PDZD8: variants seen among roughly 807,000 people sequenced by gnomAD.
The protein encoded by PDZD8 is PDZ domain containing 8.
A neutral mutation model predicts 85.8 loss-of-function variants in PDZD8; 14 were observed. That is an observed-to-expected ratio of 0.16 (90% CI 0.11 to 0.26). The LOEUF is 0.26. Among genes scored for constraint, PDZD8 ranks in the 10% least tolerant of loss-of-function variants. PDZD8 has a pLI of 1.00. For synonymous variants in PDZD8, 592 were observed against 568.6 expected (o/e 1.04, Z -0.59); for missense variants, 1,197 against 1,424.3 (o/e 0.84, Z 2.57).
intron 3 of PDZD8, among the ~76,000 whole-genome samples, chr10:117,307,822 T>C (rs1296485174): frequency 1.3e-5 from 2 of 152,086 alleles, no homozygotes; most frequent in African/African-American, 4.8e-5. Context: ...GAATTAAGTG[T>C]TGCTGTTTCT....
chr10:117,324,588 G>A (rs147964370), intron 2 of PDZD8, among the ~76,000 whole-genome samples: 1 of 152,216 alleles, frequency 6.6e-6, no homozygotes, highest in East Asian at 1.9e-4. Context: ...TTCATTATAA[G>A]TACTCTGGAA....
At chr10:117,308,885 G>A (rs1398775376) in intron 3 of PDZD8, among the ~76,000 whole-genome samples, 1 of 152,054 alleles carries the variant, frequency 6.6e-6, no homozygotes, top group East Asian at 1.9e-4. Context: ...ACTATGACTG[G>A]CACAGAAAAA....
intron 3 of PDZD8, among the ~76,000 whole-genome samples, chr10:117,299,889 A>G (rs1410661305): frequency 1.6e-4 from 25 of 152,134 alleles, no homozygotes; most frequent in Non-Finnish European, 1.5e-5. Flanking sequence ...CTTGAGGAAG[A>G]TATTTCTTCC....
intron 2 of PDZD8, among the ~76,000 whole-genome samples, chr10:117,324,861 G>A (rs1008586773): frequency 3.3e-5 from 5 of 152,092 alleles, no homozygotes; most frequent in African/African-American, 1.2e-4. Context: ...GTGTGGTAAA[G>A]TTCACTTTTG....
intron 1 of PDZD8, among the ~76,000 whole-genome samples, chr10:117,356,076 T>A (rs1844890120): frequency 6.8e-6 from 1 of 146,360 alleles, no homozygotes; most frequent in East Asian, 1.9e-4. Context: ...ATCTCATTCA[T>A]CTTTAAGTCA....
intron 2 of PDZD8, among the ~76,000 whole-genome samples, chr10:117,332,716 A>G (rs1844440378): frequency 6.6e-6 from 1 of 151,644 alleles, no homozygotes; most frequent in Non-Finnish European, 1.5e-5. Context: ...CATGTTGATC[A>G]GGCTGGTCTT....
intron 3 of PDZD8, among the ~76,000 whole-genome samples, chr10:117,313,553 C>G (rs555503859): frequency 6.6e-6 from 1 of 152,204 alleles, no homozygotes; most frequent in Admixed American, 6.5e-5. Context: ...ACCCTGTTTC[C>G]CACATCTCTA....
chr10:117,325,994 G>A (rs1844309980), intron 2 of PDZD8, among the ~76,000 whole-genome samples: 1 of 152,098 alleles, frequency 6.6e-6, no homozygotes. Flanking sequence ...TAAGTGTCTG[G>A]CATTTCCCCT....
chr10:117,315,606 A>AC (rs1302057661), intron 3 of PDZD8, among the ~76,000 whole-genome samples: 8 of 151,072 alleles, frequency 5.3e-5, no homozygotes, highest in Admixed American at 5.3e-4. Context: ...AAAAAAAAAA[A>AC]AAAAAACAAT....
At chr10:117,320,373 T>C (rs566154927) in intron 2 of PDZD8, among the ~76,000 whole-genome samples, 57 of 152,228 alleles carry the variant, frequency 3.7e-4, no homozygotes, top group African/African-American at 1.3e-3. Context: ...AATTCAGGAA[T>C]GAAAAAGCAA....
At chr10:117,321,679 G>GT (rs1844227664) in intron 2 of PDZD8, among the ~76,000 whole-genome samples, 1 of 152,070 alleles carries the variant, frequency 6.6e-6, no homozygotes, top group Non-Finnish European at 1.5e-5. Context: ...GAAAAAATAA[G>GT]TAAGCGTAAC....
intron 3 of PDZD8, among the ~76,000 whole-genome samples, chr10:117,295,921 A>C (rs1160033510): frequency 6.6e-6 from 1 of 152,152 alleles, no homozygotes; most frequent in Admixed American, 6.6e-5. Flanking sequence ...AACTCAGATC[A>C]GTAACAAGGC....
At chr10:117,370,814 CAT>C (rs773514680) in intron 1 of PDZD8, among the ~76,000 whole-genome samples, 1 of 152,092 alleles carries the variant, frequency 6.6e-6, no homozygotes, top group Non-Finnish European at 1.5e-5. Context: ...GCTTTATAGT[CAT>C]ACTCTTCTCA....
intron 2 of PDZD8, among the ~76,000 whole-genome samples, chr10:117,327,703 G>A (rs1457779546): frequency 6.6e-6 from 1 of 152,138 alleles, no homozygotes; most frequent in Non-Finnish European, 1.5e-5. Flanking sequence ...ATTGTCTTTT[G>A]ACAGGTGTTA....
chr10:117,285,524 C>A (rs930340486), intron 4 of PDZD8, 53 bp from the exon 5 acceptor site: 10 of 1,423,512 alleles, frequency 7.0e-6, no homozygotes, highest in Admixed American at 4.8e-5. Flanking sequence ...ATAGAAATTA[C>A]TACATTTGTT....
chr10:117,329,967 G>GGGAAGGAAGGGAGGAAGGGAAGGAA (rs1564701815), intron 2 of PDZD8, among the ~76,000 whole-genome samples: 5 of 57,146 alleles, frequency 8.7e-5, no homozygotes, highest in African/African-American at 3.1e-4. Context: ...GAGGGAGGAA[G>GGGAAGGAAGGGAGGAAGGGAAGGAA]GGAAGGAAGG....
intron 1 of PDZD8, among the ~76,000 whole-genome samples, chr10:117,353,027 T>A (rs1013366716): frequency 6.6e-6 from 1 of 152,180 alleles, no homozygotes; most frequent in African/African-American, 2.4e-5. Context: ...TAAGTCCTAA[T>A]ACAATGCCAC....
chr10:117,353,986 T>C (rs1273763728), intron 1 of PDZD8, among the ~76,000 whole-genome samples: 2 of 152,170 alleles, frequency 1.3e-5, no homozygotes, highest in African/African-American at 2.4e-5. Flanking sequence ...TTCTTCAAAC[T>C]TGCGCCCTTC....
chr10:117,297,217 T>C (rs1209626805), intron 3 of PDZD8, among the ~76,000 whole-genome samples: 1 of 152,094 alleles, frequency 6.6e-6, no homozygotes, highest in Non-Finnish European at 1.5e-5. Flanking sequence ...AACCATGAGA[T>C]ACTACATACC....
Sources: allele counts gnomAD v4.1 joint callset (sites outside exome capture counted in the v4.1 genomes callset), GRCh38; gene constraint gnomAD v4.1.1; transcripts MANE v1.5; gene names NCBI Gene and HGNC (gene_info 2026-07-23, HGNC 2026-07-21).